The following AP3B1 variants were observed in gnomAD, a reference collection of about 807,000 sequenced individuals.
AP3B1 encodes the protein AP-3 complex subunit beta-1.
Under a neutral mutation model 132.5 loss-of-function variants are expected in AP3B1, and 61 were observed. The observed-to-expected ratio is 0.46, with a 90% CI of 0.37 to 0.57. The LOEUF is 0.57. AP3B1 is among the 20% of genes least tolerant of loss of function. The pLI, the probability that AP3B1 is intolerant of heterozygous loss-of-function variation, is 0.00. For missense variants in AP3B1, 1,120 were observed against 1,289.4 expected, an observed-to-expected ratio of 0.87 and a Z score of 2.01; for synonymous variants, 388 against 438.3, an observed-to-expected ratio of 0.89 and a Z score of 1.43.
At chr5:78,073,680 T>A (rs1749641356) in intron 22 of AP3B1, among the ~76,000 whole-genome samples, 1 of 152,186 alleles carries the variant, frequency 6.6e-6, no homozygotes, top group South Asian at 2.1e-4. Context: ...ATTACATTTT[T>A]AAATAAATTA....
chr5:78,146,425 T>C (rs762963723), intron 14 of AP3B1, among the ~76,000 whole-genome samples: 1 of 152,234 alleles, frequency 6.6e-6, no homozygotes, highest in Non-Finnish European at 1.5e-5. Flanking sequence ...ATTATCAGCT[T>C]TTCATTCTCC....
intron 3 of AP3B1, among the ~76,000 whole-genome samples, chr5:78,229,921 T>G (rs1448794747): frequency 6.6e-6 from 1 of 152,140 alleles, no homozygotes; most frequent in East Asian, 1.9e-4. Context: ...GTCATGACCT[T>G]CCTTCCTTGT....
chr5:78,047,110 A>G (rs1748368663), intron 22 of AP3B1, among the ~76,000 whole-genome samples: 1 of 152,218 alleles, frequency 6.6e-6, no homozygotes, highest in African/African-American at 2.4e-5. Context: ...ATTGATGGAC[A>G]TTTGGGTTAC....
intron 22 of AP3B1, among the ~76,000 whole-genome samples, chr5:78,053,609 G>A (rs868604880): frequency 9.3e-5 from 14 of 151,266 alleles, no homozygotes; most frequent in African/African-American, 3.2e-4. Context: ...GAACCTGGGA[G>A]GCGGAGGTTA....
In AP3B1 at chr5:78,112,727, A is replaced by C. The variant is rs1751650949; in HGVS notation, c.2249+1025T>G. On this transcript the variant is annotated intron_variant, in intron 19 of 26. Transcript: ENST00000255194. ...TATTCAACTTCTAGCTTTTAAGATA[A>C]GATTTTAAAAGTAAAAGTGTTATTT... Among the ~76,000 whole-genome samples the C allele has an allele frequency of 3.9e-5, 6 of 152,362 alleles. No individual in the cohort carries two copies. In the South Asian group the frequency reaches 1.2e-3, roughly 32 times the overall value.
chr5:78,037,117 G>T (rs796218813), intron 23 of AP3B1, among the ~76,000 whole-genome samples: 40 of 152,218 alleles, frequency 2.6e-4, no homozygotes, highest in African/African-American at 9.1e-4. Flanking sequence ...CTCTGTTAAA[G>T]TCATACTATG....
At chr5:78,069,697 A>G (rs1286506451) in intron 22 of AP3B1, among the ~76,000 whole-genome samples, 1 of 152,224 alleles carries the variant, frequency 6.6e-6, no homozygotes, top group East Asian at 1.9e-4. Flanking sequence ...CATGGATTCA[A>G]TGCTATTCCC....
intron 22 of AP3B1, among the ~76,000 whole-genome samples, chr5:78,057,294 T>C (rs1020104264): frequency 9.9e-5 from 15 of 152,204 alleles, no homozygotes; most frequent in African/African-American, 3.6e-4. Context: ...CCTCTCATTT[T>C]AGTTTAGTCC....
At chr5:78,274,908 C>A (rs1335249509) in intron 1 of AP3B1, among the ~76,000 whole-genome samples, 2 of 131,446 alleles carry the variant, frequency 1.5e-5, no homozygotes, top group East Asian at 2.0e-4. Context: ...CTGGGTGAGA[C>A]CCTATCTTTT....
At chr5:78,288,077 C>A (rs1174454219) in intron 1 of AP3B1, among the ~76,000 whole-genome samples, 5 of 152,172 alleles carry the variant, frequency 3.3e-5, no homozygotes, top group African/African-American at 1.2e-4. Context: ...TGACTCAGGG[C>A]ACCAACACTT....
intron 22 of AP3B1, among the ~76,000 whole-genome samples, chr5:78,051,348 T>C (rs1027592427): frequency 3.9e-5 from 6 of 152,176 alleles, no homozygotes; most frequent in Admixed American, 3.9e-4. Flanking sequence ...TAATGGACCA[T>C]ATTATCAACT....
chr5:78,182,870 T>C (rs752052634), intron 7 of AP3B1, among the ~76,000 whole-genome samples: 13 of 152,160 alleles, frequency 8.5e-5, no homozygotes, highest in South Asian at 4.1e-4. Flanking sequence ...GAGAGTTTCA[T>C]CTCTACCAAG....
chr5:78,283,141 T>C (rs1749129381), intron 1 of AP3B1, among the ~76,000 whole-genome samples: 1 of 152,198 alleles, frequency 6.6e-6, no homozygotes, highest in Non-Finnish European at 1.5e-5. Flanking sequence ...AACTAGTCAA[T>C]GAGTGTAGGT....
chr5:78,096,285 T>C (rs1368455920), intron 21 of AP3B1, among the ~76,000 whole-genome samples: 2 of 152,206 alleles, frequency 1.3e-5, no homozygotes, highest in Non-Finnish European at 2.9e-5. Flanking sequence ...GGTGCCGGGA[T>C]TGCAGACAGT....
chr5:78,103,943 T>G (rs1300315233), intron 20 of AP3B1, among the ~76,000 whole-genome samples: 1 of 152,144 alleles, frequency 6.6e-6, no homozygotes, highest in Non-Finnish European at 1.5e-5. Flanking sequence ...TTATGCATGT[T>G]CATTTTCATG....
chr5:78,129,073 C>A (rs1428783026), intron 16 of AP3B1, 48 bp downstream of exon 16: 1 of 1,510,398 alleles, frequency 6.6e-7, no homozygotes, highest in East Asian at 2.3e-5. Context: ...AACATCTTGT[C>A]ATAATTTTTT....
At chr5:78,040,586 C>A (rs1211650527) in intron 22 of AP3B1, among the ~76,000 whole-genome samples, 1 of 151,954 alleles carries the variant, frequency 6.6e-6, no homozygotes, top group African/African-American at 2.4e-5. Flanking sequence ...AATAATGAAA[C>A]ACTGTCCATT....
At chr5:78,030,829 A>G (rs1225671197) in intron 24 of AP3B1, among the ~76,000 whole-genome samples, 1 of 152,050 alleles carries the variant, frequency 6.6e-6, no homozygotes, top group African/African-American at 2.4e-5. Flanking sequence ...AGTGTGTGCC[A>G]CCATACCTGG....
At chr5:78,114,714 G>C (rs145404697) in intron 18 of AP3B1, among the ~76,000 whole-genome samples, 1 of 152,250 alleles carries the variant, frequency 6.6e-6, no homozygotes, top group East Asian at 1.9e-4. Context: ...AGCCCTCTTA[G>C]GCAGGAACAT....
Sources: gnomAD v4.1 joint callset for allele counts (sites outside exome capture counted in the v4.1 genomes callset) on GRCh38, gnomAD v4.1.1 for gene constraint, MANE v1.5 for transcripts, NCBI Gene and HGNC (gene_info 2026-07-23, HGNC 2026-07-21) for gene names.